Variants in PCDHA3 observed in about 807,000 individuals in gnomAD.
PCDHA3 encodes the protein protocadherin alpha 3.
In PCDHA3, 41 loss-of-function variants were observed where a neutral mutation model predicts 62.2. The observed-to-expected ratio is 0.66, with a 90% confidence interval of 0.51 to 0.86. The LOEUF is 0.86. PCDHA3 is among the 40% of genes least tolerant of loss of function. The pLI is 0.00. For missense variants in PCDHA3, 1,304 were observed against 1,241.2 expected, an observed-to-expected ratio of 1.05 and a Z score of -0.76; for synonymous variants, 640 against 555.4, an observed-to-expected ratio of 1.15 and a Z score of -2.14.
chr5:140,877,569 C>T (rs782129855), intron 1 of PCDHA3: 1 of 1,613,806 alleles, frequency 6.2e-7, no homozygotes, highest in Admixed American at 1.7e-5. Flanking sequence ...TTAACGTGTA[C>T]CTCATCATCG....
chr5:140,883,622 G>A, intron 1 of PCDHA3: 4 of 1,614,004 alleles, frequency 2.5e-6, no homozygotes, highest in Non-Finnish European at 3.4e-6. Context: ...GAACGACAAC[G>A]CGCCGGCGTT....
Position 140,836,765 on chromosome 5 carries a change from A to T in PCDHA3, c.2394+33174A>T, listed in dbSNP as rs200916074. ...TGAGTCATAAATAATCTTGTTTCCA[A>T]CAATTTTAAAACAATTAGTTCAATT... On this transcript the variant is annotated intron_variant, in intron 1 of 3. Coordinates refer to ENST00000522353, the MANE Select transcript of PCDHA3 (RefSeq NM_018906.3). 7.0e-6 allele frequency: 11 copies of T among 1,563,040 alleles called. No individual in the cohort carries two copies. The East Asian group carries it at 9.0e-5, about 13-fold the overall frequency.
chr5:140,873,589 A>C (rs1562682260), intron 1 of PCDHA3, among the ~76,000 whole-genome samples: 1 of 152,272 alleles, frequency 6.6e-6, no homozygotes, highest in Non-Finnish European at 1.5e-5. Context: ...TATTAAGCTA[A>C]ACTTAGATGT....
intron 3 of PCDHA3, among the ~76,000 whole-genome samples, chr5:141,000,226 G>A (rs2097897321): frequency 6.6e-6 from 1 of 151,546 alleles, no homozygotes; most frequent in Non-Finnish European, 1.5e-5. Context: ...TGCCTGTGTG[G>A]AGCTGAATGT....
At chr5:140,996,791 A>G (rs2153942087) in intron 3 of PCDHA3, among the ~76,000 whole-genome samples, 1 of 152,316 alleles carries the variant, frequency 6.6e-6, no homozygotes, top group Non-Finnish European at 1.5e-5. Context: ...CTCACTCCCT[A>G]CATCCAATCA....
At chr5:140,828,806 G>A in intron 1 of PCDHA3, 2 of 1,614,220 alleles carry the variant, frequency 1.2e-6, no homozygotes, top group Non-Finnish European at 1.7e-6. Context: ...GAATGATAAT[G>A]CTCCCACTTT....
rs190994194 is a variant in PCDHA3, at chr5:140,913,276, C to T, written c.2395-65673C>T. On this transcript the variant is annotated intron_variant, in intron 1 of 3. Transcript: ENST00000522353. ...TTTGATCTAATTACTTGTTATTGGTCTGTTTAGGTTTTAATTTCTTCATAG... is the reference window on the plus strand; with the variant it reads ...TTTGATCTAATTACTTGTTATTGGTTTGTTTAGGTTTTAATTTCTTCATAG... Among the ~76,000 whole-genome samples, 291 of 152,186 alleles carry T rather than the reference C, an allele frequency of 1.9e-3. 1 individual carries two copies. The highest frequency in any genetic ancestry group is 0.01 in the Middle Eastern group (3 of 294).
At chr5:140,823,060 G>A in intron 1 of PCDHA3, 1 of 1,614,138 alleles carries the variant, frequency 6.2e-7, no homozygotes, top group Non-Finnish European at 8.5e-7. Context: ...CGCGCGGGAC[G>A]GGGGCTCGCC....
Position 140,822,688 on chromosome 5 carries a change from G to C in PCDHA3, c.2394+19097G>C. 3.1e-6 allele frequency: 5 copies of C among 1,609,258 alleles called. No individual in the cohort carries two copies. In the South Asian group the frequency reaches 3.3e-5, roughly 11 times the overall value. ...TAATACTGGTGAAATAAAAGTTAAC[G>C]GGGAACTGGATTATGAAGACTATAA... On this transcript the variant is annotated intron_variant, in intron 1 of 3. Coordinates refer to ENST00000522353, the MANE Select transcript of PCDHA3 (RefSeq NM_018906.3).
intron 1 of PCDHA3, chr5:140,875,924 A>C (rs782181544): frequency 6.2e-7 from 1 of 1,614,054 alleles, no homozygotes; most frequent in Non-Finnish European, 8.5e-7. Context: ...CTGGACTCTC[A>C]TTTTCCTCTA....
intron 1 of PCDHA3, chr5:140,859,934 A>G (rs2046100230): frequency 1.3e-5 from 2 of 152,070 alleles, no homozygotes; most frequent in Non-Finnish European, 2.9e-5. Flanking sequence ...TAAAAAACTT[A>G]GTAAAAACTC....
chr5:140,928,155 C>T, intron 1 of PCDHA3: 2 of 1,614,178 alleles, frequency 1.2e-6, no homozygotes, highest in Non-Finnish European at 1.7e-6. Flanking sequence ...CAGATAGTGG[C>T]TCACCCCCAC....
intron 1 of PCDHA3, chr5:140,930,058 C>T (rs1186770970): frequency 6.6e-6 from 1 of 152,172 alleles, no homozygotes; most frequent in Non-Finnish European, 1.5e-5. Context: ...TTTGCTTACA[C>T]AAAAACTGTA....
At chr5:140,969,661 G>A (rs2096351521) in intron 1 of PCDHA3, among the ~76,000 whole-genome samples, 2 of 152,166 alleles carry the variant, frequency 1.3e-5, no homozygotes, top group Non-Finnish European at 2.9e-5. Context: ...GTTTTAGGGA[G>A]TAATGTTATG....
intron 1 of PCDHA3, chr5:140,841,844 C>T: frequency 6.2e-7 from 1 of 1,613,842 alleles, no homozygotes; most frequent in Non-Finnish European, 8.5e-7. Flanking sequence ...GCTTAGCTCT[C>T]ATGATTACTT....
chr5:140,836,814 A>G (rs1264836284), intron 1 of PCDHA3: 2 of 1,218,204 alleles, frequency 1.6e-6, no homozygotes, highest in African/African-American at 1.5e-5. Flanking sequence ...TTTCTTTCAT[A>G]ATTTCTTTTT....
intron 1 of PCDHA3, chr5:140,849,876 A>T (rs191347173): frequency 4.4e-6 from 7 of 1,598,522 alleles, no homozygotes; most frequent in Middle Eastern, 1.7e-4. Context: ...GTCCGAGTAC[A>T]CGGTGTTCGT....
intron 3 of PCDHA3, among the ~76,000 whole-genome samples, chr5:141,001,540 G>A (rs1318714170): frequency 6.6e-6 from 1 of 152,174 alleles, no homozygotes; most frequent in African/African-American, 2.4e-5. Flanking sequence ...TCCTGGACAG[G>A]ATTTGGGTTT....
rs2153463747 is a variant in PCDHA3 at position 140,899,363 on chromosome 5, C to G, written c.2395-79586C>G. On this transcript the variant is annotated intron_variant, in intron 1 of 3. Coordinates refer to ENST00000522353, the MANE Select transcript of PCDHA3 (RefSeq NM_018906.3). ...AGCTCTTATTATTTTGAGATATGTC[C>G]CATCAATACCTAATTTATTGAGAGT... Among the ~76,000 whole-genome samples, 3 of 152,122 alleles carry G rather than the reference C, an allele frequency of 2.0e-5. No individual in the cohort carries two copies. The South Asian group carries it at 6.2e-4, about 32-fold the overall frequency.
Sources: allele counts gnomAD v4.1 joint callset (sites outside exome capture counted in the v4.1 genomes callset), GRCh38; gene constraint gnomAD v4.1.1; transcripts MANE v1.5; gene names NCBI Gene and HGNC (gene_info 2026-07-23, HGNC 2026-07-21).